ALK: variants seen among roughly 807,000 people sequenced by gnomAD.
ALK encodes ALK receptor tyrosine kinase, also known as ALK tyrosine kinase receptor.
A neutral mutation model predicts 163.1 loss-of-function variants in ALK; 74 were observed. The observed-to-expected ratio is 0.45, with a 90% CI of 0.38 to 0.55. The LOEUF (loss-of-function observed/expected upper bound fraction) is 0.55. ALK is among the 20% of genes least tolerant of loss of function. The pLI is 0.00. For missense variants in ALK, 2,063 were observed against 2,105.3 expected (o/e 0.98, Z 0.39); for synonymous variants, 960 against 843.2 (o/e 1.14, Z -2.40).
At position 29,764,044 on chromosome 2, in the gene ALK, C is replaced by G. The variant is rs1295526685; in HGVS notation, c.668-46347G>C. ...CAAGAGGACAAACCCTCAGAGACAT[C>G]CTGTGACCTCCTGTGGTCACCCAGA... On this transcript the variant is annotated intron_variant, in intron 1 of 28. Transcript: ENST00000389048. Among the ~76,000 whole-genome samples, 4 of 152,170 alleles carry G rather than the reference C, an allele frequency of 2.6e-5. No homozygotes were observed. The South Asian group carries it at 8.3e-4, about 32-fold the overall frequency.
intron 3 of ALK, among the ~76,000 whole-genome samples, chr2:29,540,073 A>G (rs1479962712): frequency 6.6e-6 from 1 of 152,126 alleles, no homozygotes; most frequent in Non-Finnish European, 1.5e-5. Flanking sequence ...TATAGTGGTT[A>G]TTTTACCAAG....
At chr2:29,662,021 T>C (rs1265140592) in intron 3 of ALK, among the ~76,000 whole-genome samples, 1 of 152,094 alleles carries the variant, frequency 6.6e-6, no homozygotes, top group Non-Finnish European at 1.5e-5. Context: ...GCAATTCTCC[T>C]GCCTCAGCCT....
At chr2:29,736,441 C>T (rs959722627) in intron 1 of ALK, among the ~76,000 whole-genome samples, 1 of 151,506 alleles carries the variant, frequency 6.6e-6, no homozygotes, top group African/African-American at 2.4e-5. Context: ...GCCAAATTAC[C>T]CTTATTTTCA....
intron 5 of ALK, among the ~76,000 whole-genome samples, chr2:29,348,237 C>T (rs984865431): frequency 7.2e-5 from 11 of 152,134 alleles, no homozygotes; most frequent in Non-Finnish European, 1.2e-4. Context: ...TTGGCATACT[C>T]GACCCAGCCA....
At chr2:29,450,850 C>A (rs1670801852) in intron 4 of ALK, among the ~76,000 whole-genome samples, 1 of 152,120 alleles carries the variant, frequency 6.6e-6, no homozygotes. Context: ...TCACTGACTA[C>A]CCTAATCATA....
intron 1 of ALK, among the ~76,000 whole-genome samples, chr2:29,760,275 G>A (rs1680663708): frequency 1.3e-5 from 2 of 152,160 alleles, no homozygotes; most frequent in African/African-American, 2.4e-5. Context: ...CTGTTGGACT[G>A]AGTGGGTGGG....
chr2:29,543,667 C>G (rs1450240120), intron 3 of ALK, among the ~76,000 whole-genome samples: 2 of 152,186 alleles, frequency 1.3e-5, no homozygotes, highest in Admixed American at 1.3e-4. Context: ...TCCTTTCTTT[C>G]AGGTGATCTT....
intron 4 of ALK, among the ~76,000 whole-genome samples, chr2:29,433,073 C>T (rs1163790476): frequency 6.6e-6 from 1 of 152,070 alleles, no homozygotes; most frequent in Admixed American, 6.6e-5. Context: ...AGAGATAATC[C>T]CTATTTATTT....
At chr2:29,251,390 A>C in intron 11 of ALK, 123 bp from the exon 12 acceptor site, 1 of 1,000,084 alleles carries the variant, frequency 1.0e-6, no homozygotes, top group South Asian at 1.4e-5. Flanking sequence ...AGATGGCACC[A>C]AGGTCAGGGC....
At chr2:29,448,665 G>A (rs776900482) in intron 4 of ALK, among the ~76,000 whole-genome samples, 3 of 152,112 alleles carry the variant, frequency 2.0e-5, no homozygotes, top group Non-Finnish European at 4.4e-5. Flanking sequence ...ATGGGTAAAC[G>A]GAGAGGCTGC....
intron 1 of ALK, among the ~76,000 whole-genome samples, chr2:29,855,010 T>C (rs1666102243): frequency 6.6e-6 from 1 of 152,236 alleles, no homozygotes; most frequent in African/African-American, 2.4e-5. Context: ...TACAGAATTG[T>C]ATCTGTGACT....
intron 1 of ALK, among the ~76,000 whole-genome samples, chr2:29,829,453 G>T (rs1665301617): frequency 6.6e-6 from 1 of 152,142 alleles, no homozygotes; most frequent in African/African-American, 2.4e-5. Flanking sequence ...TCTCCAGGTG[G>T]TTGTTTGTAA....
chr2:29,622,701 A>G (rs1676070220), intron 3 of ALK, among the ~76,000 whole-genome samples: 1 of 152,110 alleles, frequency 6.6e-6, no homozygotes, highest in Non-Finnish European at 1.5e-5. Flanking sequence ...AGTTCCTTGA[A>G]GTTCCACAGT....
intron 22 of ALK, chr2:29,221,048 T>G (rs1407939349): frequency 1.5e-6 from 1 of 686,040 alleles, no homozygotes; most frequent in Non-Finnish European, 2.7e-6. Flanking sequence ...CCACAGGAGT[T>G]CCATTTGCAG....
intron 11 of ALK, among the ~76,000 whole-genome samples, chr2:29,262,110 G>C (rs1206415374): frequency 6.6e-6 from 1 of 152,154 alleles, no homozygotes; most frequent in Non-Finnish European, 1.5e-5. Context: ...ACCACGATAG[G>C]TCAGTAGATA....
intron 1 of ALK, among the ~76,000 whole-genome samples, chr2:29,892,984 A>G (rs72794343): frequency 0.12 from 17,570 of 152,126 alleles, 1,203 homozygotes; most frequent in South Asian, 0.17. Context: ...CCAGCTTTAT[A>G]AAGTCCTCCA....
At position 29,251,317 on chromosome 2, in the gene ALK, C is replaced by T. The variant is rs779391997; in HGVS notation, c.2042-50G>A. ...CACTCATGTGGCCAGGCCCTCCCTCCTCCAGGGGCCTCCCTGGGTGGCCTC... is the reference window on the plus strand; with the variant it reads ...CACTCATGTGGCCAGGCCCTCCCTCTTCCAGGGGCCTCCCTGGGTGGCCTC... On this transcript the variant is annotated intron_variant, in intron 11 of 28. Coordinates refer to ENST00000389048, the MANE Select transcript of ALK (RefSeq NM_004304.5). 4.4e-6 allele frequency: 7 copies of T among 1,574,832 alleles called. No homozygotes were observed. In the East Asian group the frequency reaches 1.4e-4, roughly 31 times the overall value.
At chr2:29,693,841 C>T (rs1467026012) in intron 3 of ALK, among the ~76,000 whole-genome samples, 1 of 152,134 alleles carries the variant, frequency 6.6e-6, no homozygotes, top group Admixed American at 6.6e-5. Flanking sequence ...AGACCCAGAC[C>T]CACATGTACA....
intron 3 of ALK, among the ~76,000 whole-genome samples, chr2:29,691,548 T>C (rs767975563): frequency 1.3e-5 from 2 of 152,214 alleles, no homozygotes; most frequent in Non-Finnish European, 2.9e-5. Context: ...ATTCCAATCC[T>C]GATTCATCTA....
Sources: gnomAD v4.1 joint callset for allele counts (sites outside exome capture counted in the v4.1 genomes callset) on GRCh38, gnomAD v4.1.1 for gene constraint, MANE v1.5 for transcripts, NCBI Gene and HGNC (gene_info 2026-07-23, HGNC 2026-07-21) for gene names.